Variants in STK39 observed in about 807,000 individuals in gnomAD.
The protein encoded by STK39 is STE20/SPS1-related proline-alanine-rich protein kinase.
Under a neutral mutation model 77.8 loss-of-function variants are expected in STK39, and 20 were observed. That is an observed-to-expected ratio of 0.26 (90% confidence interval 0.18 to 0.37). STK39 has a LOEUF of 0.37. Ranked by LOEUF, STK39 falls within the 10% of genes least tolerant of loss-of-function variation. The probability of loss-of-function intolerance (pLI) is 1.00; values close to 1 mark genes in which losing one functional copy is unlikely to be tolerated. For missense variants in STK39, 479 were observed against 656.5 expected (o/e 0.73, Z 2.95); for synonymous variants, 246 against 234.1 (o/e 1.05, Z -0.47).
At chr2:168,055,457 C>T (rs1205312166) in intron 14 of STK39, among the ~76,000 whole-genome samples, 2 of 152,154 alleles carry the variant, frequency 1.3e-5, no homozygotes, top group South Asian at 2.1e-4. Flanking sequence ...ATAAGTATCC[C>T]GTGCTAGAGA....
intron 13 of STK39, among the ~76,000 whole-genome samples, chr2:168,063,804 G>T (rs1685725566): frequency 1.3e-5 from 2 of 152,148 alleles, no homozygotes; most frequent in South Asian, 4.1e-4. Flanking sequence ...TCAGTTCTAG[G>T]ATGGGTATCA....
intron 5 of STK39, among the ~76,000 whole-genome samples, chr2:168,144,958 G>T (rs1688096045): frequency 6.8e-6 from 1 of 146,808 alleles, no homozygotes; most frequent in Non-Finnish European, 1.5e-5. Context: ...TCCAGTCTAG[G>T]CAACAGAGTG....
chr2:168,104,814 T>G (rs183980158), intron 10 of STK39, among the ~76,000 whole-genome samples: 2 of 152,318 alleles, frequency 1.3e-5, no homozygotes, highest in East Asian at 3.9e-4. Context: ...TTGAAAAAGC[T>G]AAACACATGC....
At chr2:168,181,312 C>T (rs1466411575) in intron 2 of STK39, among the ~76,000 whole-genome samples, 4 of 152,170 alleles carry the variant, frequency 2.6e-5, no homozygotes, top group African/African-American at 9.7e-5. Flanking sequence ...CAACTAATAA[C>T]CATTTGCCAA....
At chr2:168,179,185 T>C (rs1286996385) in intron 2 of STK39, among the ~76,000 whole-genome samples, 2 of 152,176 alleles carry the variant, frequency 1.3e-5, no homozygotes. Flanking sequence ...CTGACCTGTA[T>C]ATAATACACA....
Position 168,247,315 on chromosome 2 carries a change from C to CCGA in STK39, c.120_121insTCG (p.Pro40_Ala41insSer). The CCGA allele has an allele frequency of 2.1e-6, 1 of 467,886 alleles. No homozygotes were observed. The highest frequency in any genetic ancestry group is 2.9e-6 in the Non-Finnish European group (1 of 348,686). The allele number at this position is 467,886 out of a possible 1,614,324, so 29.0% of individuals were successfully genotyped here. On this transcript the variant is annotated inframe_insertion, in exon 1 of 18. Transcript: ENST00000355999. ...GGGGCCGGGGCCGGGGCCGGGGCCGCGGGAGCTGCCGGGGCCGGCGCTGCT... is the reference window on the plus strand; with the variant it reads ...GGGGCCGGGGCCGGGGCCGGGGCCGCCGAGGGAGCTGCCGGGGCCGGCGCTGCT...
intron 5 of STK39, among the ~76,000 whole-genome samples, chr2:168,141,724 G>A (rs1687989324): frequency 6.6e-6 from 1 of 152,186 alleles, no homozygotes; most frequent in African/African-American, 2.4e-5. Context: ...ACAGCGCAAT[G>A]TGCAGTCTGA....
intron 17 of STK39, among the ~76,000 whole-genome samples, chr2:167,957,016 T>C (rs982682221): frequency 6.6e-6 from 1 of 151,416 alleles, no homozygotes; most frequent in Non-Finnish European, 1.5e-5. Context: ...ACTATACTGT[T>C]TTTTGAACTG....
In STK39 at chr2:167,983,470, AG is replaced by A. The variant is rs1559043983; in HGVS notation, c.1499-18745del. Among the ~76,000 whole-genome samples, 207 of 118,060 alleles carry A rather than the reference AG, an allele frequency of 1.8e-3. 2 individuals are homozygous for A. Among genetic ancestry groups the A allele is most frequent in the East Asian group, 0.014 (43 of 3,022 alleles). 77.5% of individuals were successfully genotyped at this position (118,060 alleles called of 152,430 possible). On this transcript the variant is annotated intron_variant, in intron 16 of 17. Transcript: ENST00000355999. ...ACTCCATCCAAAAAAAAAAAAAAAAAGAAATGAAAGGAAGGAAGGAAGGAAG... is the reference window on the plus strand; with the variant it reads ...ACTCCATCCAAAAAAAAAAAAAAAAAAAATGAAAGGAAGGAAGGAAGGAAG...
intron 5 of STK39, among the ~76,000 whole-genome samples, chr2:168,142,747 G>A (rs1334601426): frequency 6.6e-6 from 1 of 152,132 alleles, no homozygotes; most frequent in Admixed American, 6.5e-5. Context: ...ATGGCTAAAT[G>A]TCTTTAAAAC....
At chr2:168,187,147 T>C (rs181358704) in intron 1 of STK39, among the ~76,000 whole-genome samples, 34 of 152,228 alleles carry the variant, frequency 2.2e-4, no homozygotes, top group African/African-American at 7.2e-4. Flanking sequence ...GGTCAGGAAT[T>C]TGAGACCAGC....
intron 16 of STK39, among the ~76,000 whole-genome samples, chr2:168,010,684 TA>T (rs1175439302): frequency 6.6e-6 from 1 of 152,218 alleles, no homozygotes; most frequent in Admixed American, 6.5e-5. Context: ...TGTGTAGAGT[TA>T]ATGTATAATC....
At chr2:168,232,825 T>G (rs1241872145) in intron 1 of STK39, among the ~76,000 whole-genome samples, 1 of 151,778 alleles carries the variant, frequency 6.6e-6, no homozygotes, top group Admixed American at 6.6e-5. Flanking sequence ...GGCAGGAGAA[T>G]CACTTGAACC....
intron 5 of STK39, among the ~76,000 whole-genome samples, chr2:168,150,916 C>G (rs559462077): frequency 5.9e-5 from 9 of 152,062 alleles, no homozygotes; most frequent in Admixed American, 1.3e-4. Flanking sequence ...CTTCTGACAC[C>G]CTCACTCCCA....
intron 14 of STK39, among the ~76,000 whole-genome samples, chr2:168,018,175 T>C (rs1220776645): frequency 2.0e-5 from 3 of 152,140 alleles, no homozygotes; most frequent in Non-Finnish European, 4.4e-5. Context: ...CAACAGATGC[T>C]AGAATTAAGG....
intron 14 of STK39, among the ~76,000 whole-genome samples, chr2:168,029,486 T>A (rs1462208618): frequency 6.6e-6 from 1 of 152,200 alleles, no homozygotes. Context: ...AAAGTTTTTT[T>A]CTCCCAGGTG....
rs1390333705 is a variant in STK39 at position 167,954,192 on chromosome 2, A to G, written c.*1304T>C. On this transcript the variant is annotated 3_prime_UTR_variant, in exon 18 of 18. Transcript: ENST00000355999. Reference sequence around the variant, plus strand: ...TAAATAACTTTTTTTCCTTAGTAATATATATTTGCTTTTTGAAGTACATTA... The same window carrying G: ...TAAATAACTTTTTTTCCTTAGTAATGTATATTTGCTTTTTGAAGTACATTA... 2 of 152,592 alleles carry G rather than the reference A, an allele frequency of 1.3e-5. No homozygotes were observed. The highest frequency in any genetic ancestry group is 4.8e-5 in the African/African-American group (2 of 41,434). The allele number at this position is 152,592 out of a possible 1,614,324, so 9.5% of individuals were successfully genotyped here.
At chr2:168,147,134 TGTGA>T (rs1688159955) in intron 5 of STK39, among the ~76,000 whole-genome samples, 1 of 152,236 alleles carries the variant, frequency 6.6e-6, no homozygotes, top group Admixed American at 6.5e-5. Flanking sequence ...AAGATCAAGT[TGTGA>T]TTACCCAACA....
chr2:168,163,584 A>C, intron 4 of STK39, 155 bp downstream of exon 4: 1 of 984,992 alleles, frequency 1.0e-6, no homozygotes, highest in Non-Finnish European at 1.2e-6. Context: ...AACATTCTTT[A>C]CAAACTAGGG....
Sources: gnomAD v4.1 joint callset for allele counts (sites outside exome capture counted in the v4.1 genomes callset) on GRCh38, gnomAD v4.1.1 for gene constraint, MANE v1.5 for transcripts, NCBI Gene and HGNC (gene_info 2026-07-23, HGNC 2026-07-21) for gene names.